ART3: variants seen among roughly 807,000 people sequenced by gnomAD.
ART3 encodes the protein ecto-ADP-ribosyltransferase 3.
A neutral mutation model predicts 48.5 loss-of-function variants in ART3; 49 were observed. The observed-to-expected ratio is 1.01, with a 90% CI of 0.80 to 1.28. The LOEUF (loss-of-function observed/expected upper bound fraction) is 1.28. ART3 is among the 50% of genes most tolerant of loss of function. The pLI, the probability that ART3 is intolerant of heterozygous loss-of-function variation, is 0.00. For synonymous variants in ART3, 145 were observed against 157.2 expected (o/e 0.92, Z 0.58); for missense variants, 438 against 454.3 (o/e 0.96, Z 0.33).
chr4:76,088,243 ACT>A (rs773411009), intron 3 of ART3, among the ~76,000 whole-genome samples: 1 of 105,524 alleles, frequency 9.5e-6, no homozygotes, highest in Non-Finnish European at 1.9e-5. Context: ...CATCCCCTGA[ACT>A]CTCTTTTTTT....
chr4:76,021,005 T>A (rs1358103707), intron 1 of ART3: 1 of 152,234 alleles, frequency 6.6e-6, no homozygotes, highest in Non-Finnish European at 1.5e-5. Context: ...GGTAATTCTC[T>A]AACTCATTTG....
chr4:76,078,342 A>C (rs1721597962), intron 2 of ART3, among the ~76,000 whole-genome samples: 1 of 152,186 alleles, frequency 6.6e-6, no homozygotes, highest in African/African-American at 2.4e-5. Flanking sequence ...ACTCTGATAT[A>C]ATGTAAGGAA....
Position 76,101,428 on chromosome 4 carries a change from C to T in ART3, c.937+409C>T, listed in dbSNP as rs111483846. 6.5e-3 allele frequency among the ~76,000 whole-genome samples: 996 copies of T among 152,296 alleles called. 3 individuals carry two copies. The highest frequency in any genetic ancestry group is 9.4e-3 in the Non-Finnish European group (642 of 68,024). On this transcript the variant is annotated intron_variant, in intron 8 of 11. Coordinates refer to ENST00000355810, the MANE Select transcript of ART3 (RefSeq NM_001130016.3). ...TATCCATTTGATTATTTAGTACATT[C>T]CAAGTGTAACTTATCCTCAAGTATT...
chr4:76,090,370 T>C (rs936616404), intron 3 of ART3, among the ~76,000 whole-genome samples: 5 of 152,206 alleles, frequency 3.3e-5, no homozygotes, highest in Non-Finnish European at 5.9e-5. Flanking sequence ...CTGTCTCAAT[T>C]AGGCCCAGTT....
chr4:76,097,176 A>T (rs930278958), intron 3 of ART3, among the ~76,000 whole-genome samples: 1 of 152,154 alleles, frequency 6.6e-6, no homozygotes, highest in African/African-American at 2.4e-5. Flanking sequence ...TGGTGGCTGT[A>T]CTATAAATAC....
intron 1 of ART3, among the ~76,000 whole-genome samples, chr4:76,025,561 T>TA (rs1733301186): frequency 2.0e-5 from 3 of 152,244 alleles, no homozygotes; most frequent in Admixed American, 2.0e-4. Flanking sequence ...ATTCTTATAA[T>TA]AACATCTACC....
At chr4:76,077,860 T>A (rs1721478641) in intron 2 of ART3, among the ~76,000 whole-genome samples, 1 of 152,210 alleles carries the variant, frequency 6.6e-6, no homozygotes. Flanking sequence ...TTGTGTTACA[T>A]GTTACTTGGT....
intron 1 of ART3, among the ~76,000 whole-genome samples, chr4:76,062,957 A>G (rs968466250): frequency 4.6e-5 from 7 of 152,016 alleles, no homozygotes; most frequent in African/African-American, 1.7e-4. Context: ...ATGCTTTCCT[A>G]CAGCTAATCA....
At chr4:76,098,842 C>T in intron 4 of ART3, 113 bp from the exon 5 acceptor site, 1 of 871,426 alleles carries the variant, frequency 1.1e-6, no homozygotes, top group Non-Finnish European at 1.7e-6. Flanking sequence ...TTTTATGTTT[C>T]TTAAATATAA....
intron 1 of ART3, chr4:76,022,921 A>AAT: frequency 5.2e-6 from 6 of 1,149,166 alleles, no homozygotes; most frequent in Non-Finnish European, 7.4e-6. Flanking sequence ...CATATCAGCA[A>AAT]ATAGTCACTT....
chr4:76,045,166 C>G (rs1182362635), intron 1 of ART3, among the ~76,000 whole-genome samples: 2 of 151,962 alleles, frequency 1.3e-5, no homozygotes, highest in Non-Finnish European at 1.5e-5. Flanking sequence ...AAATGAACTT[C>G]CATCGGTATA....
At chr4:76,079,782 T>A (rs1221963369) in intron 2 of ART3, among the ~76,000 whole-genome samples, 3 of 152,022 alleles carry the variant, frequency 2.0e-5, no homozygotes, top group African/African-American at 7.2e-5. Context: ...AAGATGTTTG[T>A]TCGTGAGGGA....
At chr4:76,106,381 G>A (rs1728475275) in intron 10 of ART3, 1 of 984,314 alleles carries the variant, frequency 1.0e-6, no homozygotes, top group East Asian at 1.1e-4. Flanking sequence ...CGAAAAGGTG[G>A]CTTGCCAGTT....
chr4:76,024,795 G>A (rs547028989), intron 1 of ART3, among the ~76,000 whole-genome samples: 2 of 152,270 alleles, frequency 1.3e-5, no homozygotes, highest in Non-Finnish European at 2.9e-5. Context: ...AACAATGCAG[G>A]GATTGGTCAG....
chr4:76,050,999 C>T (rs1477019468), intron 1 of ART3, among the ~76,000 whole-genome samples: 1 of 152,036 alleles, frequency 6.6e-6, no homozygotes, highest in African/African-American at 2.4e-5. Flanking sequence ...AGCTGGCCTG[C>T]AAGCCCACGC....
intron 1 of ART3, chr4:76,022,612 T>A (rs1471514334): frequency 9.0e-5 from 28 of 309,484 alleles, no homozygotes; most frequent in Middle Eastern, 1.2e-3. Flanking sequence ...TTTACTGATC[T>A]TTTTTTATTA....
chr4:76,111,425 T>C (rs180901071), intron 11 of ART3, among the ~76,000 whole-genome samples: 101 of 152,310 alleles, frequency 6.6e-4, no homozygotes, highest in Non-Finnish European at 1.0e-3. Flanking sequence ...AGATAATTCA[T>C]CTTATAAACA....
At chr4:76,098,322 A>G (rs1020911435) in intron 4 of ART3, among the ~76,000 whole-genome samples, 1 of 152,222 alleles carries the variant, frequency 6.6e-6, no homozygotes, top group South Asian at 2.1e-4. Flanking sequence ...TGAATTAAAG[A>G]TACCAAAAAT....
intron 1 of ART3, among the ~76,000 whole-genome samples, chr4:76,068,042 C>T (rs762227850): frequency 1.3e-5 from 2 of 152,206 alleles, no homozygotes; most frequent in Non-Finnish European, 2.9e-5. Context: ...TGGGCCATTG[C>T]ATTACAGATA....
Sources: allele counts gnomAD v4.1 joint callset (sites outside exome capture counted in the v4.1 genomes callset), GRCh38; gene constraint gnomAD v4.1.1; transcripts MANE v1.5; gene names NCBI Gene and HGNC (gene_info 2026-07-23, HGNC 2026-07-21).